The following LARGE1 variants were observed in gnomAD, a reference collection of about 807,000 sequenced individuals.
LARGE1 encodes the protein LARGE xylosyl- and glucuronyltransferase 1.
In LARGE1, 43 loss-of-function variants were observed where a neutral mutation model predicts 87.6. The observed-to-expected ratio is 0.49, with a 90% CI of 0.38 to 0.63. The LOEUF (loss-of-function observed/expected upper bound fraction) is 0.63, where lower values mean the gene tolerates loss of function less well. Among genes scored for constraint, LARGE1 ranks in the 30% least tolerant of loss-of-function variants. The pLI, the probability that LARGE1 is intolerant of heterozygous loss-of-function variation, is 0.00. For synonymous variants in LARGE1, 434 were observed against 394.6 expected, an observed-to-expected ratio of 1.10 and a Z score of -1.18; for missense variants, 802 against 1,000.2, an observed-to-expected ratio of 0.80 and a Z score of 2.67.
intron 6 of LARGE1, among the ~76,000 whole-genome samples, chr22:33,472,548 G>C (rs2068889968): frequency 6.6e-6 from 1 of 152,118 alleles, no homozygotes; most frequent in South Asian, 2.1e-4. Context: ...ATTTAGAGGT[G>C]AGGTCAAGGG....
chr22:33,776,312 T>C lies in LARGE1; in HGVS notation c.-82-14754A>G, dbSNP rs1235613401. ...GGTGGTGTGGACATTACTTCTAGCA[T>C]AGAGATCTCTCTGGGGTGACACAGG... On this transcript the variant is annotated intron_variant, in intron 1 of 14. Coordinates refer to ENST00000397394, the MANE Select transcript of LARGE1 (RefSeq NM_133642.5). 1.6e-4 allele frequency among the ~76,000 whole-genome samples: 24 copies of C among 152,268 alleles called. 1 individual carries two copies. In the South Asian group the frequency reaches 5.0e-3, roughly 32 times the overall value.
intron 3 of LARGE1, among the ~76,000 whole-genome samples, chr22:33,627,361 G>T (rs529400376): frequency 1.3e-5 from 2 of 152,296 alleles, no homozygotes; most frequent in African/African-American, 4.8e-5. Context: ...TCCGGATTTT[G>T]TCCTTTCTAC....
At chr22:33,643,859 C>A (rs542110401) in intron 3 of LARGE1, among the ~76,000 whole-genome samples, 6 of 152,066 alleles carry the variant, frequency 3.9e-5, no homozygotes, top group Admixed American at 2.0e-4. Context: ...AAGACTAAAC[C>A]AGGAAGAAAT....
chr22:33,884,268 G>C (rs1052176760), intron 1 of LARGE1, among the ~76,000 whole-genome samples: 3 of 152,118 alleles, frequency 2.0e-5, no homozygotes, highest in African/African-American at 7.2e-5. Context: ...CACACTGCTG[G>C]GAACACAGCA....
At chr22:33,504,186 A>C (rs979097425) in intron 6 of LARGE1, among the ~76,000 whole-genome samples, 1 of 152,184 alleles carries the variant, frequency 6.6e-6, no homozygotes, top group Admixed American at 6.5e-5. Context: ...GAAAACTTTA[A>C]AGTTGGATTG....
At chr22:33,177,887 C>T (rs868549169) in intron 11 of LARGE1, among the ~76,000 whole-genome samples, 6 of 152,104 alleles carry the variant, frequency 3.9e-5, no homozygotes, top group Admixed American at 1.3e-4. Context: ...ATGCTGTTCT[C>T]GTGGTAGTCA....
the LARGE1 span, among the ~76,000 whole-genome samples, chr22:33,071,689 T>C: frequency 6.6e-6 from 1 of 152,182 alleles, no homozygotes; most frequent in African/African-American, 2.4e-5. Flanking sequence ...TATGGACTGG[T>C]GGAATGACTA....
chr22:33,205,386 A>G (rs965429240), intron 11 of LARGE1, among the ~76,000 whole-genome samples: 1 of 152,234 alleles, frequency 6.6e-6, no homozygotes, highest in African/African-American at 2.4e-5. Flanking sequence ...AAAGTTCCAG[A>G]TGCTGAGCAC....
the LARGE1 span, among the ~76,000 whole-genome samples, chr22:33,119,612 C>A: frequency 4.6e-5 from 7 of 152,078 alleles, no homozygotes; most frequent in South Asian, 8.3e-4. Flanking sequence ...ATTTGAGAAG[C>A]CAATTTGAAT....
At position 33,381,636 on chromosome 22, in the gene LARGE1, T is replaced by C. The variant is rs552911408; in HGVS notation, c.1131+283A>G. ...TTTTTGCTTGAGTTGAATGAATAGA[T>C]TTGGGGAGCTGGCATGAACCAAAAG... On this transcript the variant is annotated intron_variant, in intron 9 of 14. Transcript: ENST00000397394. Among the ~76,000 whole-genome samples the C allele has an allele frequency of 5.3e-4, 81 of 152,196 alleles. 1 individual carries two copies. Among genetic ancestry groups the C allele is most frequent in the African/African-American group, 2.0e-3 (81 of 41,518 alleles).
intron 1 of LARGE1, among the ~76,000 whole-genome samples, chr22:33,868,702 C>G (rs1315059918): frequency 6.6e-6 from 1 of 152,202 alleles, no homozygotes. Flanking sequence ...TTTGATGCCC[C>G]TTTCTAGTGA....
chr22:33,827,560 TCTGGC>T (rs2146304721), intron 1 of LARGE1, among the ~76,000 whole-genome samples: 1 of 152,290 alleles, frequency 6.6e-6, no homozygotes, highest in East Asian at 1.9e-4. Context: ...GTGCAAAAGT[TCTGGC>T]CTGAATTCAC....
intron 6 of LARGE1, among the ~76,000 whole-genome samples, chr22:33,451,351 CTTATT>C (rs10629325): frequency 5.3e-5 from 8 of 150,156 alleles, no homozygotes; most frequent in African/African-American, 1.7e-4. Context: ...CAAAAAAATT[CTTATT>C]TTATTTTATT....
At chr22:33,489,151 C>T (rs537419728) in intron 6 of LARGE1, among the ~76,000 whole-genome samples, 186 of 152,268 alleles carry the variant, frequency 1.2e-3, no homozygotes, top group African/African-American at 4.0e-3. Context: ...TGCCTATCCT[C>T]GTGGAGCTTA....
chr22:33,265,261 A>C (rs1043557058), intron 11 of LARGE1, among the ~76,000 whole-genome samples: 1 of 152,082 alleles, frequency 6.6e-6, no homozygotes, highest in Non-Finnish European at 1.5e-5. Context: ...TGCCTCTAGC[A>C]ATAATCCTGG....
intron 6 of LARGE1, among the ~76,000 whole-genome samples, chr22:33,508,570 G>C (rs2070876233): frequency 6.6e-6 from 1 of 152,184 alleles, no homozygotes; most frequent in African/African-American, 2.4e-5. Context: ...GAACTGTCAT[G>C]TGGTGATCTC....
intron 11 of LARGE1, among the ~76,000 whole-genome samples, chr22:33,208,101 G>A (rs1007681821): frequency 6.6e-6 from 1 of 152,122 alleles, no homozygotes; most frequent in East Asian, 1.9e-4. Context: ...AAGGCTCAAT[G>A]TTCTCCGTTT....
intron 11 of LARGE1, among the ~76,000 whole-genome samples, chr22:33,217,676 G>T (rs1291430870): frequency 6.6e-6 from 1 of 152,150 alleles, no homozygotes; most frequent in African/African-American, 2.4e-5. Flanking sequence ...AGGATATATA[G>T]TTTGCAGGAG....
intron 10 of LARGE1, among the ~76,000 whole-genome samples, chr22:33,336,837 G>A (rs977859062): frequency 5.3e-5 from 8 of 152,104 alleles, no homozygotes; most frequent in African/African-American, 9.6e-5. Context: ...CAAGGCAGGC[G>A]GATCACGAGG....
Sources: gnomAD v4.1 joint callset for allele counts (sites outside exome capture counted in the v4.1 genomes callset) on GRCh38, gnomAD v4.1.1 for gene constraint, MANE v1.5 for transcripts, NCBI Gene and HGNC (gene_info 2026-07-23, HGNC 2026-07-21) for gene names.